The following SGK1 variants were observed in gnomAD, a reference collection of about 807,000 sequenced individuals.
SGK1 encodes serum/glucocorticoid regulated kinase 1.
In SGK1, 26 loss-of-function variants were observed where a neutral mutation model predicts 64.2. The observed-to-expected ratio is 0.40, with a 90% CI of 0.30 to 0.56. The LOEUF (loss-of-function observed/expected upper bound fraction) is 0.56, where lower values mean the gene tolerates loss of function less well. Among genes scored for constraint, SGK1 ranks in the 20% least tolerant of loss-of-function variants. The pLI is 0.38. For synonymous variants in SGK1, 265 were observed against 239.7 expected (o/e 1.11, Z -0.98); for missense variants, 519 against 645.6 (o/e 0.80, Z 2.12).
chr6:134,240,109 T>C (rs1743937), intron 2 of SGK1, among the ~76,000 whole-genome samples: 115,432 of 151,950 alleles, frequency 0.76, 44,372 homozygotes, highest in South Asian at 0.91. Flanking sequence ...CTGGCCAACA[T>C]GGTGAAACCC....
At chr6:134,280,672 G>A (rs943599373) in intron 1 of SGK1, among the ~76,000 whole-genome samples, 1 of 152,148 alleles carries the variant, frequency 6.6e-6, no homozygotes, top group African/African-American at 2.4e-5. Flanking sequence ...TATGTTGCTT[G>A]TAATGCCAAG....
rs148238277 is a variant in SGK1 at position 134,243,658 on chromosome 6, C to T, written c.285+18275G>A. Among the ~76,000 whole-genome samples, 32 of 152,264 alleles carry T rather than the reference C, an allele frequency of 2.1e-4. No homozygotes were observed. In the East Asian group the frequency reaches 4.2e-3, roughly 20 times the overall value. On this transcript the variant is annotated intron_variant, in intron 2 of 13. Coordinates refer to ENST00000367858, the MANE Select transcript of SGK1 (RefSeq NM_001143676.3). ...TGCTGGGATTACAGGCACGAGCCAC[C>T]GCGCCCGGCCATAACGTGCAGTTTT...
At chr6:134,177,761 T>G (rs769243127) in intron 3 of SGK1, 1 of 1,613,960 alleles carries the variant, frequency 6.2e-7, no homozygotes, top group South Asian at 1.1e-5. Flanking sequence ...TAGAGCCCAG[T>G]TATGGCTGGA....
At chr6:134,244,360 C>T (rs950708699) in intron 2 of SGK1, among the ~76,000 whole-genome samples, 2 of 152,160 alleles carry the variant, frequency 1.3e-5, no homozygotes, top group African/African-American at 4.8e-5. Context: ...TTTCTTTATC[C>T]AGTCTAACAT....
intron 3 of SGK1, chr6:134,177,977 G>C: frequency 1.4e-6 from 1 of 703,568 alleles, no homozygotes; most frequent in Non-Finnish European, 2.3e-6. Context: ...ACAGTCATCA[G>C]TGTCCTAGCT....
chr6:134,309,063 A>G (rs988480876), intron 1 of SGK1, among the ~76,000 whole-genome samples: 2 of 152,200 alleles, frequency 1.3e-5, no homozygotes, highest in Non-Finnish European at 2.9e-5. Flanking sequence ...CTAATGTTAC[A>G]GAAGTAGCTA....
chr6:134,240,537 A>G (rs1776429112), intron 2 of SGK1, among the ~76,000 whole-genome samples: 1 of 152,200 alleles, frequency 6.6e-6, no homozygotes, highest in African/African-American at 2.4e-5. Context: ...CTTGTTAAAT[A>G]ATGTATTTTC....
At chr6:134,170,996 C>G (rs375575573) in intron 12 of SGK1, 27 bp downstream of exon 12, 97 of 1,613,626 alleles carry the variant, frequency 6.0e-5, no homozygotes, top group Non-Finnish European at 7.8e-5. Flanking sequence ...CCCGGCCGGC[C>G]CAGGAGGACA....
intron 3 of SGK1, among the ~76,000 whole-genome samples, chr6:134,204,813 C>A (rs935335198): frequency 1.1e-4 from 17 of 152,192 alleles, no homozygotes; most frequent in African/African-American, 3.9e-4. Context: ...CTTGGCCCCC[C>A]AAAGTGCTGG....
intron 2 of SGK1, among the ~76,000 whole-genome samples, chr6:134,250,592 G>A (rs1776592568): frequency 6.6e-6 from 1 of 152,160 alleles, no homozygotes; most frequent in South Asian, 2.1e-4. Context: ...TAAGTAGAAT[G>A]AACCAGAAGC....
intron 3 of SGK1, among the ~76,000 whole-genome samples, chr6:134,176,241 C>G (rs1447496005): frequency 6.6e-6 from 1 of 152,146 alleles, no homozygotes; most frequent in African/African-American, 2.4e-5. Flanking sequence ...GTCTTAAAAT[C>G]GTCCCTACCC....
At chr6:134,315,044 G>T (rs566728304) in intron 1 of SGK1, among the ~76,000 whole-genome samples, 1 of 152,118 alleles carries the variant, frequency 6.6e-6, no homozygotes, top group Non-Finnish European at 1.5e-5. Flanking sequence ...ATCTGGGAAA[G>T]GGAGAAAGAT....
In SGK1 at chr6:134,316,049, C is replaced by T. The variant is rs192465070; in HGVS notation, c.69+1343G>A. On this transcript the variant is annotated intron_variant, in intron 1 of 13. Transcript: ENST00000367858. ...AGTGAGATTTCACATGGTACTCCCA[C>T]TCCAAGAGCAGGGGCCAGGACAGGT... Among the ~76,000 whole-genome samples, 4 of 152,354 alleles carry T rather than the reference C, an allele frequency of 2.6e-5. No individual in the cohort carries two copies. In the East Asian group the frequency reaches 7.7e-4, roughly 29 times the overall value.
intron 1 of SGK1, among the ~76,000 whole-genome samples, chr6:134,285,089 T>A (rs1349313410): frequency 1.3e-5 from 2 of 152,178 alleles, no homozygotes; most frequent in East Asian, 3.8e-4. Flanking sequence ...TAGTTCTACT[T>A]ATAGTTCTTT....
chr6:134,234,318 G>A (rs759724156), intron 2 of SGK1, among the ~76,000 whole-genome samples: 2 of 152,096 alleles, frequency 1.3e-5, no homozygotes, highest in Non-Finnish European at 2.9e-5. Context: ...CAGGAGAATC[G>A]CTTGAACCCC....
At chr6:134,210,227 CAG>C (rs150815633) in intron 2 of SGK1, among the ~76,000 whole-genome samples, 415 of 152,248 alleles carry the variant, frequency 2.7e-3, no homozygotes, top group African/African-American at 9.7e-3. Flanking sequence ...TATTTGGCCT[CAG>C]AAAGAAATCA....
chr6:134,268,963 A>G lies in SGK1; in HGVS notation c.70-6815T>C, dbSNP rs1356922665. 1.4e-5 allele frequency among the ~76,000 whole-genome samples: 2 copies of G among 144,702 alleles called. 1 individual carries two copies. Among genetic ancestry groups the G allele is most frequent in the African/African-American group, 5.0e-5 (2 of 40,078 alleles). 94.9% of individuals were successfully genotyped at this position (144,702 alleles called of 152,430 possible). A position where few individuals can be genotyped will look rare whatever the true frequency, so the allele number is the denominator to read the frequency against. On this transcript the variant is annotated intron_variant, in intron 1 of 13. Coordinates refer to ENST00000367858, the MANE Select transcript of SGK1 (RefSeq NM_001143676.3). ...TTTACTTGGAAAAAAAAAAAAAAAA[A>G]GCCATCCAAAAGCAATCCCTCAGTC...
chr6:134,306,180 T>C (rs13212795), intron 1 of SGK1, among the ~76,000 whole-genome samples: 28,899 of 152,096 alleles, frequency 0.19, 3,586 homozygotes, highest in East Asian at 0.54. Context: ...CTCAGCACTT[T>C]GGGAGGCCGA....
intron 3 of SGK1, among the ~76,000 whole-genome samples, chr6:134,177,082 C>T (rs755698540): frequency 2.0e-5 from 3 of 152,072 alleles, no homozygotes; most frequent in Admixed American, 6.6e-5. Flanking sequence ...GGCGTGGTGG[C>T]GTGCGCCTGT....
Sources: gnomAD v4.1 joint callset for allele counts (sites outside exome capture counted in the v4.1 genomes callset) on GRCh38, gnomAD v4.1.1 for gene constraint, MANE v1.5 for transcripts, NCBI Gene and HGNC (gene_info 2026-07-23, HGNC 2026-07-21) for gene names.